XYLB: variants seen among roughly 807,000 people sequenced by gnomAD.
XYLB encodes the protein xylulokinase, also known as xylulose kinase.
A neutral mutation model predicts 78.7 loss-of-function variants in XYLB; 62 were observed. The ratio of observed to expected loss-of-function variants is 0.79; its 90% CI spans 0.64 to 0.97. XYLB has a LOEUF of 0.97. Ranked by LOEUF, XYLB falls within the 50% of genes least tolerant of loss-of-function variation. The pLI, the probability that XYLB is intolerant of heterozygous loss-of-function variation, is 0.00. For missense variants in XYLB, 687 were observed against 676.8 expected, an observed-to-expected ratio of 1.02 and a Z score of -0.17; for synonymous variants, 245 against 247.4, an observed-to-expected ratio of 0.99 and a Z score of 0.09.
chr3:38,374,687 G>A (rs1001603244), intron 11 of XYLB, among the ~76,000 whole-genome samples, 185 bp downstream of exon 11: 1 of 152,104 alleles, frequency 6.6e-6, no homozygotes, highest in South Asian at 2.1e-4. Context: ...GGGGATGGGG[G>A]CGCACATCTT....
chr3:38,373,959 C>T (rs1188597973), intron 10 of XYLB, among the ~76,000 whole-genome samples: 1 of 151,718 alleles, frequency 6.6e-6, no homozygotes, highest in Non-Finnish European at 1.5e-5. Flanking sequence ...TCTAGGCTGC[C>T]GTGAGCTATG....
intron 2 of XYLB, among the ~76,000 whole-genome samples, chr3:38,354,498 T>C (rs1401611543): frequency 6.6e-6 from 1 of 151,644 alleles, no homozygotes; most frequent in Non-Finnish European, 1.5e-5. Flanking sequence ...GAAAGCCAAA[T>C]TGTTAATTTT....
chr3:38,430,868 T>C, the XYLB span, among the ~76,000 whole-genome samples: 1 of 152,188 alleles, frequency 6.6e-6, no homozygotes, highest in African/African-American at 2.4e-5. Flanking sequence ...TAGTTGTAGA[T>C]ATGTGGTGCT....
intron 7 of XYLB, 79 bp downstream of exon 7, chr3:38,366,952 T>A: frequency 1.0e-6 from 1 of 975,302 alleles, no homozygotes; most frequent in Non-Finnish European, 1.6e-6. Context: ...ACATCTTACG[T>A]GCAGTGACTG....
At chr3:38,408,750 G>A (rs371677265) in intron 18 of XYLB, among the ~76,000 whole-genome samples, 4 of 151,274 alleles carry the variant, frequency 2.6e-5, no homozygotes, top group Admixed American at 6.6e-5. Context: ...AGAGAATACT[G>A]CAAACACCTC....
intron 10 of XYLB, 111 bp downstream of exon 10, chr3:38,372,847 C>A: frequency 8.7e-7 from 1 of 1,150,268 alleles, no homozygotes; most frequent in Non-Finnish European, 1.3e-6. Context: ...CATTCCTCAC[C>A]ACCCCCACCC....
chr3:38,373,862 T>A (rs1476451485), intron 10 of XYLB, among the ~76,000 whole-genome samples: 2 of 152,118 alleles, frequency 1.3e-5, no homozygotes, highest in Non-Finnish European at 2.9e-5. Flanking sequence ...AGATAAAGAT[T>A]GCTGTTGTGA....
At chr3:38,421,911 C>T (rs937079781), downstream of XYLB, among the ~76,000 whole-genome samples, 4 of 152,134 alleles carry the variant, frequency 2.6e-5, no homozygotes, top group Non-Finnish European at 4.4e-5. Context: ...AGCAGTGCCT[C>T]GAGCAACCGC....
the XYLB span, among the ~76,000 whole-genome samples, chr3:38,439,592 C>A: frequency 6.6e-6 from 1 of 152,098 alleles, no homozygotes; most frequent in African/African-American, 2.4e-5. Context: ...GAAACCCTGT[C>A]TCTACTAAAA....
chr3:38,392,192 C>G (rs1273414536), intron 15 of XYLB, among the ~76,000 whole-genome samples: 2 of 152,200 alleles, frequency 1.3e-5, no homozygotes, highest in African/African-American at 2.4e-5. Context: ...TCCCATATCC[C>G]CACCAACACT....
chr3:38,408,908 A>G (rs1021137817), intron 18 of XYLB, among the ~76,000 whole-genome samples: 1 of 152,202 alleles, frequency 6.6e-6, no homozygotes, highest in Non-Finnish European at 1.5e-5. Flanking sequence ...CTTACCAACC[A>G]AAAAGAGTCC....
exon 18 of XYLB, among the ~76,000 whole-genome samples, chr3:38,420,110 C>T (rs368919288): frequency 6.6e-6 from 1 of 152,124 alleles, no homozygotes; most frequent in Non-Finnish European, 1.5e-5. Flanking sequence ...TGAGCCACCA[C>T]GCCCAGCCAT....
chr3:38,425,672 T>C (rs957957717), downstream of XYLB, among the ~76,000 whole-genome samples: 6 of 152,194 alleles, frequency 3.9e-5, no homozygotes, highest in African/African-American at 1.4e-4. Context: ...GAGGTTATGC[T>C]TGTGTTTCTC....
At chr3:38,367,193 C>G (rs904750035) in intron 7 of XYLB, among the ~76,000 whole-genome samples, 2 of 152,142 alleles carry the variant, frequency 1.3e-5, no homozygotes, top group African/African-American at 4.8e-5. Context: ...TGTCTGCTCA[C>G]TTTCCTATGT....
At chr3:38,401,050 C>A in intron 18 of XYLB, 65 bp downstream of exon 18, 1 of 1,434,150 alleles carries the variant, frequency 7.0e-7, no homozygotes, top group Non-Finnish European at 9.8e-7. Context: ...GTTTTTTCCC[C>A]CACCAAAAGG....
chr3:38,366,108 G>A (rs818837), intron 6 of XYLB, among the ~76,000 whole-genome samples: 133,409 of 149,194 alleles, frequency 0.89, 60,188 homozygotes, highest in East Asian at 1. Context: ...GCCTGGCAAT[G>A]TTAAAAAAAA....
At chr3:38,433,298 C>T in the XYLB span, among the ~76,000 whole-genome samples, 1 of 152,204 alleles carries the variant, frequency 6.6e-6, no homozygotes, top group South Asian at 2.1e-4. Flanking sequence ...CCATTTTTTC[C>T]TCCTAGGCCT....
chr3:38,417,346 T>C (rs1380229254), downstream of XYLB, among the ~76,000 whole-genome samples: 1 of 152,092 alleles, frequency 6.6e-6, no homozygotes, highest in Non-Finnish European at 1.5e-5. Flanking sequence ...ATCAAGATTG[T>C]TGTCCCACAG....
intron 18 of XYLB, among the ~76,000 whole-genome samples, chr3:38,407,238 TAAAG>T (rs1384692483): frequency 1.3e-5 from 2 of 149,492 alleles, no homozygotes; most frequent in Admixed American, 6.7e-5. Context: ...TCAACATTCT[TAAAG>T]AAAAGAATTT....
Sources: gnomAD v4.1 joint callset for allele counts (sites outside exome capture counted in the v4.1 genomes callset) on GRCh38, gnomAD v4.1.1 for gene constraint, MANE v1.5 for transcripts, NCBI Gene and HGNC (gene_info 2026-07-23, HGNC 2026-07-21) for gene names.